The following FAM81A variants were observed in gnomAD, a reference collection of about 807,000 sequenced individuals.
FAM81A encodes the protein protein FAM81A.
Under a neutral mutation model 46.7 loss-of-function variants are expected in FAM81A, and 19 were observed. The ratio of observed to expected loss-of-function variants is 0.41; its 90% confidence interval spans 0.28 to 0.60. The LOEUF (loss-of-function observed/expected upper bound fraction) is 0.60, where lower values mean the gene tolerates loss of function less well. FAM81A is among the 20% of genes least tolerant of loss of function. FAM81A has a pLI of 0.34. For synonymous variants in FAM81A, 183 were observed against 152.9 expected (o/e 1.20, Z -1.45); for missense variants, 377 against 453.5 (o/e 0.83, Z 1.53).
chr15:59,442,967 C>G (rs2081316502), intron 1 of FAM81A, among the ~76,000 whole-genome samples: 1 of 152,138 alleles, frequency 6.6e-6, no homozygotes, highest in Non-Finnish European at 1.5e-5. Context: ...TGTATAAGTG[C>G]CAAAATCAGA....
chr15:59,414,753 CA>C (rs1227863694), intron 2 of FAM81A, among the ~76,000 whole-genome samples: 15 of 152,132 alleles, frequency 9.9e-5, no homozygotes, highest in Non-Finnish European at 1.8e-4. Flanking sequence ...ATCAATATAG[CA>C]AACTGGTGTA....
At chr15:59,497,052 G>C (rs147872893) in intron 4 of FAM81A, among the ~76,000 whole-genome samples, 98 of 151,132 alleles carry the variant, frequency 6.5e-4, no homozygotes, top group African/African-American at 2.3e-3. Flanking sequence ...CTTGAACCTA[G>C]AGGTTGCAGT....
At chr15:59,429,376 A>G (rs1028827322) in intron 2 of FAM81A, among the ~76,000 whole-genome samples, 2 of 152,126 alleles carry the variant, frequency 1.3e-5, no homozygotes, top group Non-Finnish European at 2.9e-5. Flanking sequence ...AACTTGTGCA[A>G]CTTTAGGAGT....
At chr15:59,510,838 A>G (rs146141471) in intron 6 of FAM81A, among the ~76,000 whole-genome samples, 2 of 150,690 alleles carry the variant, frequency 1.3e-5, no homozygotes, top group Non-Finnish European at 2.9e-5. Flanking sequence ...AAACTACACT[A>G]ATGGAATTTT....
upstream of FAM81A, among the ~76,000 whole-genome samples, chr15:59,436,507 A>C (rs1443844510): frequency 6.6e-6 from 1 of 152,192 alleles, no homozygotes; most frequent in Non-Finnish European, 1.5e-5. Context: ...CTCCATATGC[A>C]CTGAAAGGCA....
chr15:59,464,116 G>T (rs2081584897), intron 3 of FAM81A, among the ~76,000 whole-genome samples: 1 of 152,054 alleles, frequency 6.6e-6, no homozygotes, highest in African/African-American at 2.4e-5. Context: ...ATGTCCTGCT[G>T]TTCTATCCGT....
At chr15:59,445,508 A>ATGTT (rs2081345008) in intron 1 of FAM81A, 1 of 152,128 alleles carries the variant, frequency 6.6e-6, no homozygotes, top group African/African-American at 2.4e-5. Flanking sequence ...ATAGTTATAA[A>ATGTT]ATTAATGTGC....
Position 59,486,550 on chromosome 15 carries a change from A to G in FAM81A, c.295-5721A>G, listed in dbSNP as rs118150026. ...TACAAGAAATCAAAATTCAAGCACAAGAAGGTTATAGAACACCAAGTAGAT... is the reference window on the plus strand; with the variant it reads ...TACAAGAAATCAAAATTCAAGCACAGGAAGGTTATAGAACACCAAGTAGAT... On this transcript the variant is annotated intron_variant, in intron 3 of 8. Coordinates refer to ENST00000288228, the MANE Select transcript of FAM81A (RefSeq NM_152450.3). Among the ~76,000 whole-genome samples the G allele has an allele frequency of 7.4e-3, 1,127 of 152,290 alleles. 9 individuals carry two copies. Among genetic ancestry groups the G allele is most frequent in the Non-Finnish European group, 0.013 (916 of 68,018 alleles).
chr15:59,478,707 G>A (rs1032423604), intron 3 of FAM81A, among the ~76,000 whole-genome samples: 1 of 152,164 alleles, frequency 6.6e-6, no homozygotes, highest in Non-Finnish European at 1.5e-5. Context: ...GACTTCGGGG[G>A]AGAAGACAGT....
chr15:59,487,263 ATTAG>A, intron 3 of FAM81A, among the ~76,000 whole-genome samples: 1 of 146,992 alleles, frequency 6.8e-6, no homozygotes, highest in South Asian at 2.1e-4. Context: ...AGAGTTTTTT[ATTAG>A]TTTTCTTTTT....
chr15:59,465,128 C>A (rs12443197), intron 3 of FAM81A, among the ~76,000 whole-genome samples: 35 of 152,062 alleles, frequency 2.3e-4, no homozygotes, highest in African/African-American at 8.4e-4. Flanking sequence ...GCTGTAGATA[C>A]GTGGATTAAT....
At chr15:59,431,128 T>TA (rs1281261938) in intron 2 of FAM81A, among the ~76,000 whole-genome samples, 2 of 152,214 alleles carry the variant, frequency 1.3e-5, no homozygotes, top group African/African-American at 4.8e-5. Context: ...GGGCACTACT[T>TA]AACCCAGTCT....
At chr15:59,518,540 G>A (rs1490594975) in intron 8 of FAM81A, among the ~76,000 whole-genome samples, 2 of 151,966 alleles carry the variant, frequency 1.3e-5, no homozygotes, top group African/African-American at 4.8e-5. Context: ...TGCCCAGACT[G>A]GTCTGGAACT....
chr15:59,398,759 G>GAAAAA (rs71119468), intron 1 of FAM81A, among the ~76,000 whole-genome samples: 4 of 41,418 alleles, frequency 9.7e-5, no homozygotes, highest in Admixed American at 4.3e-4. Context: ...CTCTGTCTCA[G>GAAAAA]AAAAAAAAAA....
At chr15:59,487,012 A>G (rs1005015864) in intron 3 of FAM81A, among the ~76,000 whole-genome samples, 2 of 151,912 alleles carry the variant, frequency 1.3e-5, no homozygotes, top group Non-Finnish European at 2.9e-5. Flanking sequence ...TAATTGTGGT[A>G]TGTAAACTAT....
At chr15:59,502,314 T>C (rs2082100258) in intron 4 of FAM81A, among the ~76,000 whole-genome samples, 1 of 151,886 alleles carries the variant, frequency 6.6e-6, no homozygotes, top group African/African-American at 2.4e-5. Context: ...GTATATCTCC[T>C]AAAGCTATCC....
At chr15:59,485,914 C>A (rs990248811) in intron 3 of FAM81A, among the ~76,000 whole-genome samples, 1 of 152,124 alleles carries the variant, frequency 6.6e-6, no homozygotes, top group African/African-American at 2.4e-5. Context: ...TGCAGCGGCT[C>A]ATGCCTGTAA....
intron 2 of FAM81A, among the ~76,000 whole-genome samples, chr15:59,415,358 T>A (rs1259628264): frequency 6.6e-6 from 1 of 152,012 alleles, no homozygotes. Context: ...GACCTCGTGA[T>A]CCTCTTGTCT....
chr15:59,507,284 A>G lies in FAM81A; in HGVS notation c.485A>G (p.Lys162Arg). The G allele has an allele frequency of 6.2e-7, 1 of 1,612,390 alleles. No individual in the cohort carries two copies. Among genetic ancestry groups the G allele is most frequent in the Non-Finnish European group, 8.5e-7 (1 of 1,179,246 alleles). Reference protein sequence around the residue: ...TTYEGLQHLNKEQQAAKLILE... With the variant: ...TTYEGLQHLNREQQAAKLILE... ...TATGAGGGGCTCCAGCACTTGAACA[A>G]AGAACAGCAGGCTGCCAAACTTATC... The change falls in exon 5 of 9, where the codon AAA becomes AGA. Residue 162 changes from lysine (K) to arginine (R), a missense_variant. Physicochemically the swap from Lys to Arg is conservative, Grantham distance 26 (BLOSUM62 2). Coordinates refer to ENST00000288228, the MANE Select transcript of FAM81A (RefSeq NM_152450.3).
Sources: allele counts gnomAD v4.1 joint callset (sites outside exome capture counted in the v4.1 genomes callset), GRCh38; gene constraint gnomAD v4.1.1; transcripts MANE v1.5; gene names NCBI Gene and HGNC (gene_info 2026-07-23, HGNC 2026-07-21).